The following PYROXD2 variants were observed in gnomAD, a reference collection of about 807,000 sequenced individuals.
PYROXD2 encodes the protein pyridine nucleotide-disulphide oxidoreductase domain 2.
A neutral mutation model predicts 71.1 loss-of-function variants in PYROXD2; 69 were observed. The ratio of observed to expected loss-of-function variants is 0.97; its 90% CI spans 0.80 to 1.19. PYROXD2 has a LOEUF of 1.19. Ranked by LOEUF, PYROXD2 falls within the 50% of genes most tolerant of loss-of-function variation. The pLI is 0.00. For missense variants in PYROXD2, 745 were observed against 748.9 expected (o/e 0.99, Z 0.06); for synonymous variants, 287 against 302.7 (o/e 0.95, Z 0.54).
chr10:98,407,511 C>T lies in PYROXD2; in HGVS notation c.315+71G>A, dbSNP rs140910348. ...CATCACCTCGGGCACAGAACAGGGA[C>T]CCCCCACACAGGTTGGGAAGATGGA... On this transcript the variant is annotated intron_variant, in intron 4 of 15. Coordinates refer to ENST00000370575, the MANE Select transcript of PYROXD2 (RefSeq NM_032709.3). The T allele has an allele frequency of 2.1e-4, 326 of 1,579,758 alleles. 1 individual carries two copies. In the African/African-American group the frequency reaches 3.7e-3, roughly 18 times the overall value.
At chr10:98,396,767 G>A (rs1160840707) in intron 6 of PYROXD2, among the ~76,000 whole-genome samples, 2 of 152,128 alleles carry the variant, frequency 1.3e-5, no homozygotes, top group Non-Finnish European at 2.9e-5. Context: ...CCTGAAAAGT[G>A]AGCCTCTCTA....
At chr10:98,400,908 G>C (rs1843375671) in intron 4 of PYROXD2, among the ~76,000 whole-genome samples, 1 of 152,198 alleles carries the variant, frequency 6.6e-6, no homozygotes, top group Admixed American at 6.5e-5. Flanking sequence ...TGCACAGAAT[G>C]TTACTGCACT....
rs1349830330 is a variant in PYROXD2, at chr10:98,410,880, G to T, written c.147+59C>A. On this transcript the variant is annotated intron_variant, in intron 2 of 15. Transcript: ENST00000370575. The stretch of plus-strand genomic sequence containing the variant: ...CCTGCTTCTTCACACTCCTTCCCAG[G>T]CTGCTGAGAGCCACACGCCCAGGGC... 1.9e-6 allele frequency: 3 copies of T among 1,553,694 alleles called. No individual in the cohort carries two copies. The East Asian group carries it at 7.2e-5, about 38-fold the overall frequency.
intron 6 of PYROXD2, 56 bp from the exon 7 acceptor site, chr10:98,395,508 G>A (rs1390262938): frequency 4.4e-5 from 66 of 1,485,936 alleles, no homozygotes; most frequent in Admixed American, 2.3e-4. Flanking sequence ...GAAACCCTCC[G>A]ACCTGGCCTG....
At chr10:98,385,550 C>A (rs55634320) in intron 14 of PYROXD2, among the ~76,000 whole-genome samples, 15 of 152,182 alleles carry the variant, frequency 9.9e-5, no homozygotes, top group African/African-American at 3.4e-4. Flanking sequence ...TGAGACCAGC[C>A]CCAGGCTGAG....
chr10:98,407,348 G>T lies in PYROXD2; in HGVS notation c.315+234C>A, dbSNP rs148868519. Among the ~76,000 whole-genome samples the T allele has an allele frequency of 1.1e-4, 16 of 152,328 alleles. 1 individual carries two copies. The East Asian group carries it at 3.1e-3, about 29-fold the overall frequency. ...GGGTGAAAAAGCTCATTCTTCAAAA[G>T]AAGTCTGATTTTTGGATGAAATTTC... On this transcript the variant is annotated intron_variant, in intron 4 of 15. Coordinates refer to ENST00000370575, the MANE Select transcript of PYROXD2 (RefSeq NM_032709.3).
intron 4 of PYROXD2, among the ~76,000 whole-genome samples, chr10:98,406,822 G>A (rs1480838916): frequency 6.7e-6 from 1 of 150,218 alleles, no homozygotes; most frequent in Non-Finnish European, 1.5e-5. Flanking sequence ...AACCCGGGAG[G>A]AGGAGCTTGC....
In PYROXD2 at chr10:98,407,992, C is replaced by T. The variant is rs368532914; in HGVS notation, c.153G>A (p.Ala51=). Residue 51 remains alanine, a synonymous_variant, in exon 3 of 16, where the codon GCG becomes GCA. Transcript: ENST00000370575. ...GAGHNGLVAA[A]YLQRLGVNTA... ...TGTTCACCCCCAGTCTCTGCAGGTA[C>T]GCTGCCTGGGAAGTGGGGCAGCACA... 5.2e-5 allele frequency: 84 copies of T among 1,603,142 alleles called. No homozygotes were observed. Among genetic ancestry groups the T allele is most frequent in the East Asian group, 2.5e-4 (11 of 44,566 alleles).
rs1343562208 is a variant in PYROXD2, at chr10:98,392,533, A to G, written c.961T>C (p.Cys321Arg). 6.2e-7 allele frequency: 1 copy of G among 1,613,194 alleles called. No homozygotes were observed. The highest frequency in any genetic ancestry group is 2.2e-5 in the East Asian group (1 of 44,888). ...TCTTCCAGCACAACTCCTTGAACAC[A>G]GCCTTCACTGTTCACCTGCACCTTC... ...VAKVQVNSEG[C>R]VQGVVLEDGT... The change falls in exon 10 of 16, where the codon TGT becomes CGT. Residue 321 changes from cysteine (C) to arginine (R), a missense_variant. Cys to Arg is a radical substitution (Grantham distance 180). Coordinates refer to ENST00000370575, the MANE Select transcript of PYROXD2 (RefSeq NM_032709.3).
At chr10:98,392,362 T>C in intron 10 of PYROXD2, 70 bp downstream of exon 10, 2 of 1,573,782 alleles carry the variant, frequency 1.3e-6, no homozygotes, top group African/African-American at 2.7e-5. Context: ...CCTGGCTCCC[T>C]CAATCCCCAC....
At chr10:98,384,331 T>C (rs181757192) in intron 15 of PYROXD2, among the ~76,000 whole-genome samples, 3 of 152,328 alleles carry the variant, frequency 2.0e-5, no homozygotes, top group African/African-American at 7.2e-5. Context: ...TTATCCATCC[T>C]TCCTGGTCTA....
intron 12 of PYROXD2, 22 bp from the exon 13 acceptor site, chr10:98,388,530 G>C (rs766662734): frequency 6.4e-7 from 1 of 1,559,722 alleles, no homozygotes; most frequent in Non-Finnish European, 8.7e-7. Flanking sequence ...GGGAGGAGAC[G>C]GCAGGTCTAA....
chr10:98,389,698 C>T (rs986149095), intron 12 of PYROXD2, among the ~76,000 whole-genome samples: 4 of 152,182 alleles, frequency 2.6e-5, no homozygotes, highest in Non-Finnish European at 4.4e-5. Context: ...TTCCGGTCTC[C>T]GCTCAAGTGC....
In PYROXD2 at chr10:98,400,142, T is replaced by C. The variant is rs777702714; in HGVS notation, c.431A>G (p.Asn144Ser). The C allele has an allele frequency of 6.2e-7, 1 of 1,613,850 alleles. No individual in the cohort carries two copies. Among genetic ancestry groups the C allele is most frequent in the South Asian group, 1.1e-5 (1 of 91,002 alleles). The stretch of plus-strand genomic sequence containing the variant: ...GGAGAACTGGGCGATCTGCTTCTGG[T>C]TTTCTGCCATGTCTGTGCCCAGCAG... ...CLLLGTDMAENQKQIAQFSQK... is the reference protein window; with the variant it reads ...CLLLGTDMAESQKQIAQFSQK... The change falls in exon 5 of 16, where the codon AAC becomes AGC. Residue 144 changes from asparagine (N) to serine (S), a missense_variant. Asn to Ser is a conservative substitution (Grantham distance 46, BLOSUM62 1). Transcript: ENST00000370575.
intron 2 of PYROXD2, among the ~76,000 whole-genome samples, chr10:98,408,534 G>T (rs1289745012): frequency 6.6e-6 from 1 of 151,668 alleles, no homozygotes; most frequent in Non-Finnish European, 1.5e-5. Context: ...ACTTCATAAG[G>T]CTGCTGTGAA....
At chr10:98,395,970 C>T (rs1042492098) in intron 6 of PYROXD2, among the ~76,000 whole-genome samples, 1 of 152,166 alleles carries the variant, frequency 6.6e-6, no homozygotes, top group Non-Finnish European at 1.5e-5. Context: ...AGCCCCTGGG[C>T]CTAGCTTAGT....
At chr10:98,410,896 C>A in intron 2 of PYROXD2, 43 bp downstream of exon 2, 4 of 1,557,074 alleles carry the variant, frequency 2.6e-6, no homozygotes, top group Non-Finnish European at 3.5e-6. Flanking sequence ...GAGAGCCACA[C>A]GCCCAGGGCC....
intron 5 of PYROXD2, among the ~76,000 whole-genome samples, chr10:98,397,877 C>CTTTTTTT (rs60678578): frequency 8.3e-4 from 70 of 84,138 alleles, no homozygotes; most frequent in Non-Finnish European, 1.2e-3. Flanking sequence ...GTCCTTTCTT[C>CTTTTTTT]TTTTTTTTTT....
intron 1 of PYROXD2, among the ~76,000 whole-genome samples, chr10:98,412,577 C>T (rs1029908041): frequency 3.9e-5 from 6 of 152,120 alleles, no homozygotes; most frequent in Non-Finnish European, 7.4e-5. Context: ...CTCTCAGGCA[C>T]ATTTAGTCAA....
Sources: gnomAD v4.1 joint callset for allele counts (sites outside exome capture counted in the v4.1 genomes callset) on GRCh38, gnomAD v4.1.1 for gene constraint, MANE v1.5 for transcripts, NCBI Gene and HGNC (gene_info 2026-07-23, HGNC 2026-07-21) for gene names.